Variants in SCAMP1 observed in about 807,000 individuals in gnomAD.
SCAMP1 encodes secretory carrier-associated membrane protein 1.
Under a neutral mutation model 41.8 loss-of-function variants are expected in SCAMP1, and 15 were observed. The observed-to-expected ratio is 0.36, with a 90% CI of 0.24 to 0.55. SCAMP1 has a LOEUF of 0.55. SCAMP1 is among the 20% of genes least tolerant of loss of function. The probability of loss-of-function intolerance (pLI) is 0.86; values close to 1 mark genes in which losing one functional copy is unlikely to be tolerated. For missense variants in SCAMP1, 341 were observed against 412.6 expected (o/e 0.83, Z 1.50); for synonymous variants, 135 against 136.8 (o/e 0.99, Z 0.09).
intron 6 of SCAMP1, among the ~76,000 whole-genome samples, chr5:78,437,120 G>C (rs937239265): frequency 6.6e-6 from 1 of 152,192 alleles, no homozygotes; most frequent in Non-Finnish European, 1.5e-5. Flanking sequence ...GAGATTTTGG[G>C]CTGAGATGAT....
intron 1 of SCAMP1, among the ~76,000 whole-genome samples, chr5:78,372,562 T>G (rs1207404269): frequency 6.6e-6 from 1 of 151,768 alleles, no homozygotes; most frequent in Non-Finnish European, 1.5e-5. Flanking sequence ...AAAAAAAAAT[T>G]AGATGTCTTT....
intron 7 of SCAMP1, among the ~76,000 whole-genome samples, chr5:78,458,606 C>T (rs1203996847): frequency 6.6e-6 from 1 of 152,120 alleles, no homozygotes; most frequent in Non-Finnish European, 1.5e-5. Flanking sequence ...TAATAATAGG[C>T]CAGGTGCAGT....
chr5:78,458,349 C>A (rs1753487831), intron 7 of SCAMP1, among the ~76,000 whole-genome samples: 1 of 152,172 alleles, frequency 6.6e-6, no homozygotes, highest in Non-Finnish European at 1.5e-5. Context: ...TTATTTTAGC[C>A]ATCCTAATAG....
intron 6 of SCAMP1, among the ~76,000 whole-genome samples, chr5:78,429,615 G>A (rs1752552831): frequency 6.6e-6 from 1 of 151,992 alleles, no homozygotes; most frequent in Non-Finnish European, 1.5e-5. Flanking sequence ...GTTTCCAAGA[G>A]AGTTGCAGGG....
At chr5:78,422,211 A>G (rs1752354682) in intron 6 of SCAMP1, among the ~76,000 whole-genome samples, 1 of 152,296 alleles carries the variant, frequency 6.6e-6, no homozygotes, top group East Asian at 1.9e-4. Context: ...GAACAGTCTT[A>G]GAAGTTAATA....
At chr5:78,464,802 C>G (rs1211474274) in intron 8 of SCAMP1, among the ~76,000 whole-genome samples, 1 of 152,184 alleles carries the variant, frequency 6.6e-6, no homozygotes, top group Non-Finnish European at 1.5e-5. Flanking sequence ...ATGCAGAACA[C>G]TTCACCAGTA....
At chr5:78,414,659 A>G (rs1271660999) in intron 2 of SCAMP1, among the ~76,000 whole-genome samples, 1 of 152,218 alleles carries the variant, frequency 6.6e-6, no homozygotes, top group Non-Finnish European at 1.5e-5. Flanking sequence ...TTGTATGTAT[A>G]TACAGTAATT....
intron 1 of SCAMP1, among the ~76,000 whole-genome samples, chr5:78,374,455 T>C (rs952519383): frequency 1.3e-5 from 2 of 152,110 alleles, no homozygotes; most frequent in Admixed American, 1.3e-4. Context: ...ATGTGAGAAA[T>C]AATTTCTCAT....
intron 7 of SCAMP1, among the ~76,000 whole-genome samples, chr5:78,452,697 T>C (rs1238270066): frequency 1.3e-5 from 2 of 151,734 alleles, no homozygotes; most frequent in African/African-American, 4.8e-5. Flanking sequence ...CCTTTGGGTA[T>C]ATACCAGTAA....
intron 1 of SCAMP1, among the ~76,000 whole-genome samples, chr5:78,380,680 A>G (rs1258089720): frequency 6.6e-6 from 1 of 152,220 alleles, no homozygotes; most frequent in Non-Finnish European, 1.5e-5. Flanking sequence ...AGGTGGTAAT[A>G]ATACTCGTTG....
chr5:78,396,851 CAG>C (rs1302508926), intron 2 of SCAMP1, among the ~76,000 whole-genome samples: 3 of 152,176 alleles, frequency 2.0e-5, no homozygotes, highest in Admixed American at 1.3e-4. Flanking sequence ...AAAATTAAGA[CAG>C]AAAATTTATC....
chr5:78,407,639 T>C (rs1021860233), intron 2 of SCAMP1, among the ~76,000 whole-genome samples: 1 of 134,816 alleles, frequency 7.4e-6, no homozygotes, highest in South Asian at 2.4e-4. Flanking sequence ...TTTTTTTTTT[T>C]TCCCCTCTGG....
chr5:78,439,056 C>T lies in SCAMP1; in HGVS notation c.633-10877C>T, dbSNP rs188196742. On this transcript the variant is annotated intron_variant, in intron 6 of 8. Coordinates refer to ENST00000621999, the MANE Select transcript of SCAMP1 (RefSeq NM_004866.6). ...TGCAACCCCTGCTTCTTTTTGCTTT[C>T]CATTTGCTTGGTAGATCTTCCTCCA... Among the ~76,000 whole-genome samples the T allele has an allele frequency of 5.3e-5, 8 of 152,176 alleles. No individual in the cohort carries two copies. The East Asian group carries it at 1.5e-3, about 29-fold the overall frequency.
At chr5:78,365,472 CAAAAAAAAAAAAA>C (rs35765310) in intron 1 of SCAMP1, among the ~76,000 whole-genome samples, 4 of 55,578 alleles carry the variant, frequency 7.2e-5, no homozygotes, top group African/African-American at 2.3e-4. Context: ...AGACTCATCT[CAAAAAAAAAAAAA>C]AAAAAAAAAA....
chr5:78,362,293 C>A (rs1750677626), intron 1 of SCAMP1, among the ~76,000 whole-genome samples: 1 of 152,242 alleles, frequency 6.6e-6, no homozygotes, highest in African/African-American at 2.4e-5. Context: ...GCTGTTTATT[C>A]AGCATCTGAC....
intron 6 of SCAMP1, among the ~76,000 whole-genome samples, chr5:78,443,361 C>T (rs1298627049): frequency 6.6e-6 from 1 of 152,042 alleles, no homozygotes; most frequent in Non-Finnish European, 1.5e-5. Flanking sequence ...ATTAGTGTGC[C>T]TCACGTGGGT....
At chr5:78,459,621 C>T (rs1443286869) in intron 8 of SCAMP1, among the ~76,000 whole-genome samples, 1 of 151,996 alleles carries the variant, frequency 6.6e-6, no homozygotes, top group Non-Finnish European at 1.5e-5. Flanking sequence ...GAGTCAGCCT[C>T]ATTTTTAAAA....
chr5:78,439,514 GT>G (rs1375085352), intron 6 of SCAMP1, among the ~76,000 whole-genome samples: 1 of 152,104 alleles, frequency 6.6e-6, no homozygotes, highest in Non-Finnish European at 1.5e-5. Flanking sequence ...GTTGAAAATT[GT>G]TTTCTTTAAG....
chr5:78,455,341 A>G (rs1216096296), intron 7 of SCAMP1, among the ~76,000 whole-genome samples: 6 of 130,926 alleles, frequency 4.6e-5, no homozygotes, highest in Middle Eastern at 7.9e-3. Flanking sequence ...ATTTCCCTCT[A>G]CACACTGCTT....
Sources: gnomAD v4.1 joint callset for allele counts (sites outside exome capture counted in the v4.1 genomes callset) on GRCh38, gnomAD v4.1.1 for gene constraint, MANE v1.5 for transcripts, NCBI Gene and HGNC (gene_info 2026-07-23, HGNC 2026-07-21) for gene names.